Variants in TTC13 observed in about 807,000 individuals in gnomAD.
The protein encoded by TTC13 is tetratricopeptide repeat domain 13, also known as tetratricopeptide repeat protein 13.
Under a neutral mutation model 120.0 loss-of-function variants are expected in TTC13, and 62 were observed. The ratio of observed to expected loss-of-function variants is 0.52; its 90% CI spans 0.42 to 0.64. TTC13 has a LOEUF of 0.64. Among genes scored for constraint, TTC13 ranks in the 30% least tolerant of loss-of-function variants. TTC13 has a pLI of 0.00. For synonymous variants in TTC13, 384 were observed against 393.5 expected (o/e 0.98, Z 0.28); for missense variants, 824 against 1,050.2 (o/e 0.78, Z 2.98).
chr1:230,911,943 C>T (rs1241156973), intron 19 of TTC13, among the ~76,000 whole-genome samples: 2 of 152,144 alleles, frequency 1.3e-5, no homozygotes, highest in Non-Finnish European at 2.9e-5. Context: ...TCCCCTACTC[C>T]GCATTGAGAT....
intron 4 of TTC13, among the ~76,000 whole-genome samples, chr1:230,949,896 G>T (rs540265572): frequency 6.6e-6 from 1 of 151,850 alleles, no homozygotes. Flanking sequence ...TGATCCGCCC[G>T]CCTTGGCCTC....
chr1:230,974,320 A>C (rs1044294770), intron 1 of TTC13, among the ~76,000 whole-genome samples: 2 of 152,172 alleles, frequency 1.3e-5, no homozygotes, highest in South Asian at 2.1e-4. Context: ...CTTTATTTTC[A>C]AGGCATGTAT....
At chr1:230,955,670 CAAA>C (rs34027679) in intron 3 of TTC13, among the ~76,000 whole-genome samples, 3 of 106,002 alleles carry the variant, frequency 2.8e-5, no homozygotes. Flanking sequence ...GACTCCATCT[CAAA>C]AAAAAAAAAA....
At chr1:230,936,320 A>G in intron 8 of TTC13, 1 of 446,018 alleles carries the variant, frequency 2.2e-6, no homozygotes, top group South Asian at 1.6e-5. Flanking sequence ...GAACAAAGAA[A>G]CTACGTTTGA....
Position 230,944,751 on chromosome 1 carries a change from T to G in TTC13, c.579+638A>C, listed in dbSNP as rs762309253. 2.7e-4 allele frequency among the ~76,000 whole-genome samples: 41 copies of G among 152,134 alleles called. No individual in the cohort carries two copies. Among genetic ancestry groups the G allele is most frequent in the Non-Finnish European group, 2.9e-4 (20 of 68,030 alleles). ...CTCAAAGCACAATTTCACACAAATATTTTTAGTATACAATAAGACAATAGA... is the reference window on the plus strand; with the variant it reads ...CTCAAAGCACAATTTCACACAAATAGTTTTAGTATACAATAAGACAATAGA... On this transcript the variant is annotated intron_variant, in intron 5 of 22. Coordinates refer to ENST00000366661, the MANE Select transcript of TTC13 (RefSeq NM_024525.5). The surrounding 1 kb of genome is among the most constrained non-coding windows in gnomAD (Gnocchi z 4.0).
chr1:230,968,306 C>A (rs1572294559), intron 1 of TTC13, among the ~76,000 whole-genome samples: 1 of 68,932 alleles, frequency 1.5e-5, no homozygotes, highest in South Asian at 5.6e-4. Context: ...ACACTGACCT[C>A]CAGAACTTCT....
intron 15 of TTC13, among the ~76,000 whole-genome samples, chr1:230,922,080 C>T (rs1672626136): frequency 6.6e-6 from 1 of 152,132 alleles, no homozygotes; most frequent in East Asian, 1.9e-4. Flanking sequence ...CATCTCAAAC[C>T]TCAAAGGTTA....
rs766153428 is a variant in TTC13, at chr1:230,924,971, T to C, written c.1591A>G (p.Met531Val). 1.9e-6 allele frequency: 3 copies of C among 1,614,108 alleles called. No homozygotes were observed. Among genetic ancestry groups the C allele is most frequent in the Non-Finnish European group, 2.5e-6 (3 of 1,179,998 alleles). Residue 531 changes from methionine to valine, a missense_variant and splice_region_variant, in exon 14 of 23, where the codon ATG becomes GTG. Physicochemically the swap from Met to Val is conservative, Grantham distance 21 (BLOSUM62 1). This residue lies in a region of TTC13 where 430 missense variants were observed against 626.8 expected (regional missense o/e 0.69). Coordinates refer to ENST00000366661, the MANE Select transcript of TTC13 (RefSeq NM_024525.5). The part of the protein sequence containing the change: ...FLPNKRIHRA[M>V]GLAALEVMQA... Reference sequence around the variant, plus strand: ...ATGACCTCCAATGCGGCCAAACCCATAGCTACGAGAAAGGAATATCGAGAA... The same window carrying C: ...ATGACCTCCAATGCGGCCAAACCCACAGCTACGAGAAAGGAATATCGAGAA...
At chr1:230,924,013 G>A in intron 14 of TTC13, 80 bp from the exon 15 acceptor site, 1 of 1,093,804 alleles carries the variant, frequency 9.1e-7, no homozygotes, top group African/African-American at 1.6e-5. Flanking sequence ...TTGCAAAGGT[G>A]GGGATAAAGC....
intron 15 of TTC13, among the ~76,000 whole-genome samples, chr1:230,922,200 T>C (rs1672641343): frequency 6.6e-6 from 1 of 152,176 alleles, no homozygotes; most frequent in South Asian, 2.1e-4. Flanking sequence ...GACAACCACG[T>C]ACCTGAGGGA....
intron 1 of TTC13, among the ~76,000 whole-genome samples, chr1:230,971,443 G>C (rs1017539046): frequency 6.6e-6 from 1 of 151,462 alleles, no homozygotes; most frequent in Non-Finnish European, 1.5e-5. Flanking sequence ...ATTCCTTTGA[G>C]AGTGTAATAA....
chr1:230,922,293 C>A (rs1672652304), intron 15 of TTC13, among the ~76,000 whole-genome samples: 1 of 152,192 alleles, frequency 6.6e-6, no homozygotes, highest in Non-Finnish European at 1.5e-5. Context: ...GAGTCTAGCT[C>A]TTCCTCTCCA....
At chr1:230,976,638 T>C (rs1418302991) in intron 1 of TTC13, among the ~76,000 whole-genome samples, 1 of 152,186 alleles carries the variant, frequency 6.6e-6, no homozygotes, top group Non-Finnish European at 1.5e-5. Flanking sequence ...GTCGTTCATT[T>C]GCAACAGTAA....
chr1:230,943,505 T>C (rs940853554), intron 6 of TTC13, among the ~76,000 whole-genome samples: 1 of 152,168 alleles, frequency 6.6e-6, no homozygotes, highest in African/African-American at 2.4e-5. Context: ...ATAACACAAA[T>C]ATTATGTGTT....
chr1:230,945,647 A>T (rs957133706), intron 4 of TTC13, among the ~76,000 whole-genome samples, 193 bp from the exon 5 acceptor site: 1 of 152,220 alleles, frequency 6.6e-6, no homozygotes, highest in African/African-American at 2.4e-5. Context: ...AAATGTGATA[A>T]AAGTTTCATG....
chr1:230,917,161 C>G (rs1672113811), intron 17 of TTC13, among the ~76,000 whole-genome samples: 1 of 152,082 alleles, frequency 6.6e-6, no homozygotes, highest in South Asian at 2.1e-4. Flanking sequence ...ACAGCAGGCA[C>G]TGAGCAGGCA....
At chr1:230,907,890 TCA>T (rs1198912308) in intron 22 of TTC13, among the ~76,000 whole-genome samples, 1 of 152,156 alleles carries the variant, frequency 6.6e-6, no homozygotes, top group East Asian at 1.9e-4. Flanking sequence ...GAGTTTAATT[TCA>T]CACACTTCAA....
chr1:230,913,020 C>A (rs141395747), intron 18 of TTC13, among the ~76,000 whole-genome samples: 1 of 152,272 alleles, frequency 6.6e-6, no homozygotes, highest in Non-Finnish European at 1.5e-5. Flanking sequence ...GTACTTATTA[C>A]ACAAACTTAA....
At chr1:230,956,509 T>C in intron 3 of TTC13, 2 of 364,528 alleles carry the variant, frequency 5.5e-6, no homozygotes, top group Non-Finnish European at 5.2e-6. Context: ...TAAAGTTTCC[T>C]TTCAAATCTA....
Sources: allele counts gnomAD v4.1 joint callset (sites outside exome capture counted in the v4.1 genomes callset), GRCh38; gene constraint gnomAD v4.1.1; regional missense constraint gnomAD v4.1.1; non-coding constraint Gnocchi (gnomAD v3.1); transcripts MANE v1.5; gene names NCBI Gene and HGNC (gene_info 2026-07-23, HGNC 2026-07-21).